The following FAM120B variants were observed in gnomAD, a reference collection of about 807,000 sequenced individuals.
FAM120B encodes the protein constitutive coactivator of peroxisome proliferator-activated receptor gamma.
FAM120B carries 83 observed loss-of-function variants against 96.3 expected under a neutral mutation model. That is an observed-to-expected ratio of 0.86 (90% CI 0.72 to 1.03). The LOEUF (loss-of-function observed/expected upper bound fraction) is 1.03, where lower values mean the gene tolerates loss of function less well. Among genes scored for constraint, FAM120B ranks in the 50% least tolerant of loss-of-function variants. FAM120B has a pLI of 0.00. For missense variants in FAM120B, 1,027 were observed against 1,121.2 expected (o/e 0.92, Z 1.20); for synonymous variants, 407 against 402.7 (o/e 1.01, Z -0.13).
At chr6:170,348,395 G>A (rs1425586444) in intron 5 of FAM120B, 72 bp downstream of exon 5, 3 of 1,382,532 alleles carry the variant, frequency 2.2e-6, no homozygotes, top group Non-Finnish European at 3.0e-6. Context: ...GTGGGATATT[G>A]CCATGGCTGG....
intron 7 of FAM120B, among the ~76,000 whole-genome samples, chr6:170,389,257 C>T (rs1201111346): frequency 3.9e-5 from 6 of 152,222 alleles, no homozygotes; most frequent in Non-Finnish European, 8.8e-5. Flanking sequence ...TACAATAGCC[C>T]GAAAGTAATT....
At chr6:170,322,033 A>C (rs1467228615) in intron 2 of FAM120B, among the ~76,000 whole-genome samples, 1 of 152,234 alleles carries the variant, frequency 6.6e-6, no homozygotes, top group Admixed American at 6.5e-5. Flanking sequence ...CACAGTAATA[A>C]GAATGTTCTT....
chr6:170,374,600 C>CTCT (rs1227286805), intron 6 of FAM120B, among the ~76,000 whole-genome samples: 1 of 152,202 alleles, frequency 6.6e-6, no homozygotes, highest in African/African-American at 2.4e-5. Context: ...CACACCCTGA[C>CTCT]TTCTAAGAAT....
chr6:170,308,456 C>G (rs1214179939), intron 1 of FAM120B, among the ~76,000 whole-genome samples: 1 of 152,088 alleles, frequency 6.6e-6, no homozygotes, highest in Non-Finnish European at 1.5e-5. Flanking sequence ...GAGAAAACTA[C>G]AGTAGGTGAC....
At chr6:170,297,221 A>T (rs1016836939) in intron 1 of FAM120B, among the ~76,000 whole-genome samples, 1 of 152,110 alleles carries the variant, frequency 6.6e-6, no homozygotes, top group Non-Finnish European at 1.5e-5. Flanking sequence ...CCCTTTCACG[A>T]ATGTCCCCAC....
chr6:170,305,169 G>C (rs573014354), upstream of FAM120B, among the ~76,000 whole-genome samples: 2 of 152,086 alleles, frequency 1.3e-5, no homozygotes. Context: ...ATGAACTTGG[G>C]GGGGGCGGGG....
At chr6:170,362,569 G>A (rs1788524409) in intron 6 of FAM120B, among the ~76,000 whole-genome samples, 2 of 152,164 alleles carry the variant, frequency 1.3e-5, no homozygotes, top group South Asian at 2.1e-4. Flanking sequence ...TGTGTACTAC[G>A]TATACTGCCG....
rs73790941 is a variant in FAM120B at position 170,375,775 on chromosome 6, G to A, written c.2284-12512G>A. On this transcript the variant is annotated intron_variant, in intron 6 of 10. Transcript: ENST00000476287. ...GCATAGGAGACGCACAGGGCACGGC[G>A]GGATGCAGGGACGAGGGATGGTCCC... Among the ~76,000 whole-genome samples the A allele has an allele frequency of 6.3e-3, 956 of 152,208 alleles. 12 individuals carry two copies. Among genetic ancestry groups the A allele is most frequent in the African/African-American group, 0.021 (884 of 41,518 alleles).
chr6:170,315,998 G>A (rs956320865), intron 1 of FAM120B, among the ~76,000 whole-genome samples: 1 of 137,510 alleles, frequency 7.3e-6, no homozygotes, highest in African/African-American at 2.8e-5. Flanking sequence ...GGTTGAGGCT[G>A]CAGTGAACTG....
At chr6:170,325,806 A>T (rs1046521383) in intron 3 of FAM120B, among the ~76,000 whole-genome samples, 2 of 149,422 alleles carry the variant, frequency 1.3e-5, no homozygotes, top group East Asian at 3.9e-4. Context: ...ACACCATTGC[A>T]CTCCAGCCTG....
intron 4 of FAM120B, among the ~76,000 whole-genome samples, chr6:170,347,578 G>A (rs1787274540): frequency 6.6e-6 from 1 of 152,164 alleles, no homozygotes; most frequent in Admixed American, 6.5e-5. Flanking sequence ...TCCAAAGCCT[G>A]GGGTCCACAG....
intron 6 of FAM120B, among the ~76,000 whole-genome samples, chr6:170,380,906 C>T (rs1789865151): frequency 6.6e-6 from 1 of 152,174 alleles, no homozygotes; most frequent in Non-Finnish European, 1.5e-5. Flanking sequence ...TGGGGGGTCA[C>T]ACTCCAAAAT....
intron 1 of FAM120B, among the ~76,000 whole-genome samples, chr6:170,316,115 A>T (rs1326436185): frequency 1.3e-5 from 2 of 150,992 alleles, no homozygotes; most frequent in East Asian, 1.9e-4. Context: ...TCCTGTGAGG[A>T]TGCCTTTTCT....
intron 4 of FAM120B, among the ~76,000 whole-genome samples, chr6:170,333,215 G>A (rs1786182979): frequency 1.3e-5 from 2 of 148,492 alleles, no homozygotes; most frequent in African/African-American, 5.0e-5. Context: ...TAATGTGATG[G>A]TATTGGGAGG....
chr6:170,401,938 A>T (rs1204019587), intron 9 of FAM120B, among the ~76,000 whole-genome samples: 2 of 92,430 alleles, frequency 2.2e-5, no homozygotes, highest in East Asian at 3.9e-4. Context: ...GTGGCTTTGG[A>T]TGCATGAGTG....
intron 5 of FAM120B, among the ~76,000 whole-genome samples, chr6:170,352,415 G>A (rs1787638836): frequency 6.6e-6 from 1 of 152,132 alleles, no homozygotes; most frequent in Admixed American, 6.6e-5. Context: ...ACTCAGCTCT[G>A]GATCACTTGG....
intron 6 of FAM120B, among the ~76,000 whole-genome samples, chr6:170,372,588 G>A (rs1420707966): frequency 6.6e-6 from 1 of 152,218 alleles, no homozygotes; most frequent in African/African-American, 2.4e-5. Flanking sequence ...TGGGCTTTTA[G>A]ACAGCTGTCA....
intron 1 of FAM120B, among the ~76,000 whole-genome samples, chr6:170,296,212 T>TG (rs1182849626): frequency 6.6e-6 from 1 of 151,616 alleles, no homozygotes; most frequent in Non-Finnish European, 1.5e-5. Flanking sequence ...GACCCGGGGC[T>TG]GGGGGGCCGG....
chr6:170,315,207 T>C (rs1325472074), intron 1 of FAM120B, among the ~76,000 whole-genome samples: 1 of 152,168 alleles, frequency 6.6e-6, no homozygotes, highest in Non-Finnish European at 1.5e-5. Flanking sequence ...ACACTCCAGA[T>C]TTGTGAGGCT....
Sources: allele counts gnomAD v4.1 joint callset (sites outside exome capture counted in the v4.1 genomes callset), GRCh38; gene constraint gnomAD v4.1.1; transcripts MANE v1.5; gene names NCBI Gene and HGNC (gene_info 2026-07-23, HGNC 2026-07-21).